The following FLT1 variants were observed in gnomAD, a reference collection of about 807,000 sequenced individuals.
The protein encoded by FLT1 is vascular endothelial growth factor receptor 1.
Under a neutral mutation model 156.3 loss-of-function variants are expected in FLT1, and 49 were observed. The observed-to-expected ratio is 0.31, with a 90% CI of 0.25 to 0.40. The LOEUF (loss-of-function observed/expected upper bound fraction) is 0.40, where lower values mean the gene tolerates loss of function less well. FLT1 is among the 10% of genes least tolerant of loss of function. FLT1 has a pLI of 1.00. For missense variants in FLT1, 1,322 were observed against 1,637.2 expected, an observed-to-expected ratio of 0.81 and a Z score of 3.32; for synonymous variants, 594 against 583.8, an observed-to-expected ratio of 1.02 and a Z score of -0.25.
At chr13:28,386,360 A>G in intron 13 of FLT1, 1 of 1,006,918 alleles carries the variant, frequency 9.9e-7, no homozygotes, top group Non-Finnish European at 1.2e-6. Context: ...GTAGTATATC[A>G]TGGCAGGGTT....
At chr13:28,445,661 TA>T (rs1878576702) in intron 3 of FLT1, among the ~76,000 whole-genome samples, 1 of 151,694 alleles carries the variant, frequency 6.6e-6, no homozygotes, top group African/African-American at 2.4e-5. Flanking sequence ...GATTGAATTG[TA>T]ACAACAACAA....
At chr13:28,384,752 C>T in intron 14 of FLT1, 133 bp downstream of exon 14, 2 of 861,054 alleles carry the variant, frequency 2.3e-6, no homozygotes, top group Non-Finnish European at 3.9e-6. Context: ...TCAGCATGAA[C>T]CAGATCCCAG....
rs1876345634 is a variant in FLT1 at position 28,412,404 on chromosome 13, C to CTTTCCTTCTTTCTTTCTTTCTTTT, written c.1437-6511_1437-6510insAAAAGAAAGAAAGAAAGAAGGAAA. Among the ~76,000 whole-genome samples, 57 of 136,064 alleles carry CTTTCCTTCTTTCTTTCTTTCTTTT rather than the reference C, an allele frequency of 4.2e-4. 1 individual carries two copies. Among genetic ancestry groups the CTTTCCTTCTTTCTTTCTTTCTTTT allele is most frequent in the Middle Eastern group, 3.6e-3 (1 of 276 alleles). 89.3% of individuals were successfully genotyped at this position (136,064 alleles called of 152,430 possible). Reference sequence around the variant, plus strand: ...TCTTTCTTTCTTTCTTTCTTTCTTTCTTTCTTCTCTTTCTCTCTCTCTTTC... The same window carrying CTTTCCTTCTTTCTTTCTTTCTTTT: ...TCTTTCTTTCTTTCTTTCTTTCTTTCTTTCCTTCTTTCTTTCTTTCTTTTTTTCTTCTCTTTCTCTCTCTCTTTC... On this transcript the variant is annotated intron_variant, in intron 10 of 29. Transcript: ENST00000282397.
chr13:28,300,520 C>CA lies in FLT1; in HGVS notation c.*2646_*2647insT, dbSNP rs1491211760. The CA allele has an allele frequency of 1.2e-3, 160 of 132,116 alleles. 3 individuals are homozygous for CA. Among genetic ancestry groups the CA allele is most frequent in the African/African-American group, 6.4e-3 (135 of 21,156 alleles). The allele number at this position is 132,116 out of a possible 1,614,324, so 8.2% of individuals were successfully genotyped here. A position where few individuals can be genotyped will look rare whatever the true frequency, so the allele number is the denominator to read the frequency against. On this transcript the variant is annotated 3_prime_UTR_variant, in exon 30 of 30. Coordinates refer to ENST00000282397, the MANE Select transcript of FLT1 (RefSeq NM_002019.4). ...TAGTTATGCACAAAACACACATACA[C>CA]CCACACACACACACACACACACACA...
At chr13:28,418,401 A>T (rs891541573) in intron 10 of FLT1, among the ~76,000 whole-genome samples, 1 of 152,010 alleles carries the variant, frequency 6.6e-6, no homozygotes, top group African/African-American at 2.4e-5. Flanking sequence ...GTCAGCTCTA[A>T]CTCACGACAG....
chr13:28,313,104 G>A (rs2138815900), intron 25 of FLT1, among the ~76,000 whole-genome samples: 1 of 152,108 alleles, frequency 6.6e-6, no homozygotes, highest in Middle Eastern at 3.4e-3. Context: ...TTAGCCTCCT[G>A]AGTAGCTGGG....
intron 15 of FLT1, among the ~76,000 whole-genome samples, chr13:28,348,099 A>G (rs2138862115): frequency 6.6e-6 from 1 of 152,252 alleles, no homozygotes; most frequent in East Asian, 1.9e-4. Context: ...AACCCATCAC[A>G]AAGTCCTGCC....
At chr13:28,381,163 A>G (rs1450098576) in intron 14 of FLT1, among the ~76,000 whole-genome samples, 1 of 152,158 alleles carries the variant, frequency 6.6e-6, no homozygotes. Context: ...TAAAAACTGA[A>G]CTTATTTCAC....
intron 24 of FLT1, among the ~76,000 whole-genome samples, 193 bp from the exon 25 acceptor site, chr13:28,317,790 G>A (rs1461017617): frequency 1.3e-5 from 2 of 152,190 alleles, no homozygotes; most frequent in Non-Finnish European, 2.9e-5. Flanking sequence ...AAGGACACCC[G>A]CTTGGTTGGG....
At chr13:28,326,355 C>G (rs999661375) in intron 20 of FLT1, among the ~76,000 whole-genome samples, 1 of 152,136 alleles carries the variant, frequency 6.6e-6, no homozygotes, top group African/African-American at 2.4e-5. Context: ...TTAACCACCA[C>G]ACTACATGGG....
intron 12 of FLT1, among the ~76,000 whole-genome samples, chr13:28,390,434 T>G (rs1280577381): frequency 6.6e-6 from 1 of 152,176 alleles, no homozygotes; most frequent in Non-Finnish European, 1.5e-5. Context: ...CTTGCTATGT[T>G]GCCCAGGCTG....
At chr13:28,438,426 G>GCCTACCATACCACA in intron 3 of FLT1, 81 bp from the exon 4 acceptor site, 2 of 1,063,750 alleles carry the variant, frequency 1.9e-6, no homozygotes, top group Non-Finnish European at 2.9e-6. Context: ...AGTGTGGTAT[G>GCCTACCATACCACA]GTAGGCATTG....
At chr13:28,385,801 A>G in intron 13 of FLT1, 1 of 1,043,294 alleles carries the variant, frequency 9.6e-7, no homozygotes, top group Non-Finnish European at 1.2e-6. Flanking sequence ...GCAATACATT[A>G]CAACATTAAA....
chr13:28,333,691 A>G (rs1872010802), intron 18 of FLT1, among the ~76,000 whole-genome samples: 1 of 152,232 alleles, frequency 6.6e-6, no homozygotes. Context: ...ACAACATCAC[A>G]GTAGATCATG....
chr13:28,389,756 G>T (rs530998065), intron 13 of FLT1, 40 bp downstream of exon 13: 1 of 1,613,836 alleles, frequency 6.2e-7, no homozygotes, highest in East Asian at 2.2e-5. Context: ...TTTAAATTTG[G>T]AGATCCGAGA....
At chr13:28,346,555 TAA>T (rs57802783) in intron 15 of FLT1, among the ~76,000 whole-genome samples, 1,479 of 138,868 alleles carry the variant, frequency 0.011, 15 homozygotes, top group African/African-American at 0.029. Context: ...TGCCTTCTCT[TAA>T]AAAAAAAAAA....
chr13:28,345,894 C>G (rs1444201682), intron 15 of FLT1: 1 of 214,190 alleles, frequency 4.7e-6, no homozygotes, highest in Non-Finnish European at 9.2e-6. Context: ...AAGGCAGGAA[C>G]AAAAGCCCAT....
At chr13:28,488,603 T>C (rs1161965045) in intron 1 of FLT1, among the ~76,000 whole-genome samples, 5 of 151,978 alleles carry the variant, frequency 3.3e-5, no homozygotes, top group Admixed American at 6.6e-5. Flanking sequence ...TTTTGGAGTA[T>C]GATGTGGGAA....
At chr13:28,349,841 C>T (rs747989814) in intron 15 of FLT1, among the ~76,000 whole-genome samples, 2 of 152,046 alleles carry the variant, frequency 1.3e-5, no homozygotes, top group African/African-American at 2.4e-5. Context: ...GACCATTTAT[C>T]GGGAAGGAAA....
Sources: gnomAD v4.1 joint callset for allele counts (sites outside exome capture counted in the v4.1 genomes callset) on GRCh38, gnomAD v4.1.1 for gene constraint, MANE v1.5 for transcripts, NCBI Gene and HGNC (gene_info 2026-07-23, HGNC 2026-07-21) for gene names.